MS4A2: variants seen among roughly 807,000 people sequenced by gnomAD.
The protein encoded by MS4A2 is membrane spanning 4-domains A2, also known as high affinity immunoglobulin epsilon receptor subunit beta.
MS4A2 carries 26 observed loss-of-function variants against 27.9 expected under a neutral mutation model. That is an observed-to-expected ratio of 0.93 (90% CI 0.68 to 1.29). MS4A2 has a LOEUF of 1.29. Ranked by LOEUF, MS4A2 falls within the 50% of genes most tolerant of loss-of-function variation. The pLI is 0.00. For missense variants in MS4A2, 284 were observed against 284.6 expected (o/e 1.00, Z 0.01); for synonymous variants, 110 against 98.8 (o/e 1.11, Z -0.67).
chr11:60,090,264 C>G (rs1370396351), intron 2 of MS4A2, 72 bp from the exon 3 acceptor site: 44 of 1,484,458 alleles, frequency 3.0e-5, no homozygotes, highest in Non-Finnish European at 3.7e-6. Context: ...TGTTTGGCTT[C>G]TATTATTAAA....
Position 60,098,071 on chromosome 11 carries a change from C to G in MS4A2, c.*2415C>G, listed in dbSNP as rs941337455. The G allele has an allele frequency of 6.6e-6, 1 of 152,188 alleles. No homozygotes were observed. The highest frequency in any genetic ancestry group is 1.5e-5 in the Non-Finnish European group (1 of 68,026). The allele number at this position is 152,188 out of a possible 1,614,324, so 9.4% of individuals were successfully genotyped here. A position where few individuals can be genotyped will look rare whatever the true frequency, so the allele number is the denominator to read the frequency against. Reference sequence around the variant, plus strand: ...TTTACAGTTGTATAGTATATGATATCTCTTTTATTTCACTCAATTTATATT... The same window carrying G: ...TTTACAGTTGTATAGTATATGATATGTCTTTTATTTCACTCAATTTATATT... On this transcript the variant is annotated 3_prime_UTR_variant, in exon 7 of 7. Transcript: ENST00000278888.
chr11:60,092,550 C>T (rs500888), intron 3 of MS4A2, among the ~76,000 whole-genome samples: 11,068 of 152,220 alleles, frequency 0.073, 817 homozygotes, highest in African/African-American at 0.18. Context: ...CCCGCCTCGG[C>T]TTCCCAAAGT....
intron 2 of MS4A2, 105 bp downstream of exon 2, chr11:60,089,926 G>A: frequency 6.9e-7 from 1 of 1,449,668 alleles, no homozygotes. Flanking sequence ...GAGGTGTTAG[G>A]TCCTTTAAAA....
chr11:60,090,731 C>T (rs777888831), intron 3 of MS4A2, among the ~76,000 whole-genome samples: 3 of 152,206 alleles, frequency 2.0e-5, no homozygotes, highest in Non-Finnish European at 2.9e-5. Context: ...AATGACTTGC[C>T]TAAGGGCCAC....
intron 1 of MS4A2, among the ~76,000 whole-genome samples, chr11:60,089,329 T>C (rs1855713864): frequency 6.6e-6 from 1 of 152,218 alleles, no homozygotes; most frequent in Non-Finnish European, 1.5e-5. Context: ...TGACAAAATA[T>C]ATTCAGATAC....
At chr11:60,091,690 C>T (rs1031885405) in intron 3 of MS4A2, among the ~76,000 whole-genome samples, 2 of 152,148 alleles carry the variant, frequency 1.3e-5, no homozygotes, top group Non-Finnish European at 2.9e-5. Context: ...TTCTTTATAT[C>T]GATACTTCAT....
Position 60,089,732 on chromosome 11 carries a change from G to C in MS4A2, c.97G>C (p.Val33Leu). The change falls in exon 2 of 7, where the codon GTA becomes CTA. Residue 33 changes from valine to leucine, a missense_variant. By Grantham distance (32) the Val-to-Leu change is conservative. Transcript: ENST00000278888. ...AGTCTTGGAAATATCTCCCCAGGAA[G>C]TATCTTCAGGCAGACTATTGAAGTC... ...FEVLEISPQE[V>L]SSGRLLKSAS... The C allele has an allele frequency of 6.2e-7, 1 of 1,614,190 alleles. No individual in the cohort carries two copies. Among genetic ancestry groups the C allele is most frequent in the Non-Finnish European group, 8.5e-7 (1 of 1,180,020 alleles).
In MS4A2 at chr11:60,096,420, A is replaced by C. The variant is rs1855869488; in HGVS notation, c.*764A>C. The C allele has an allele frequency of 6.6e-6, 1 of 152,222 alleles. No homozygotes were observed. Among genetic ancestry groups the C allele is most frequent in the Non-Finnish European group, 1.5e-5 (1 of 68,042 alleles). 9.4% of individuals were successfully genotyped at this position (152,222 alleles called of 1,614,324 possible). ...AAGACTAAATTAAGACCTGAGCTGA[A>C]ATAAAGTGAGTGGAAATGGAAATAA... On this transcript the variant is annotated 3_prime_UTR_variant, in exon 7 of 7. Coordinates refer to ENST00000278888, the MANE Select transcript of MS4A2 (RefSeq NM_000139.5).
At position 60,089,736 on chromosome 11, in the gene MS4A2, C is replaced by G. The variant is rs199688918; in HGVS notation, c.101C>G (p.Ser34Cys). Reference protein sequence around the residue: ...EVLEISPQEVSSGRLLKSASS... With the variant: ...EVLEISPQEVCSGRLLKSASS... ...TTGGAAATATCTCCCCAGGAAGTAT[C>G]TTCAGGCAGACTATTGAAGTCGGCC... Residue 34 changes from serine to cysteine, a missense_variant, in exon 2 of 7, where the codon TCT (serine) becomes TGT (cysteine). By Grantham distance (112) the Ser-to-Cys change is moderately radical. Coordinates refer to ENST00000278888, the MANE Select transcript of MS4A2 (RefSeq NM_000139.5). 2 of 1,614,176 alleles carry G rather than the reference C, an allele frequency of 1.2e-6. No homozygotes were observed.
At position 60,093,520 on chromosome 11, in the gene MS4A2, T is replaced by G; in HGVS notation, c.499T>G (p.Phe167Val). Residue 167 changes from phenylalanine to valine, a missense_variant, in exon 5 of 7, where the codon TTT becomes GTT. By Grantham distance (50) the Phe-to-Val change is conservative. Coordinates refer to ENST00000278888, the MANE Select transcript of MS4A2 (RefSeq NM_000139.5). ...TATCCACATCCACAGTTGCCAGAAA[T>G]TTTTTGAGACCAAGTGCTTTATGGC... ...AYIHIHSCQK[F>V]FETKCFMASF... The G allele has an allele frequency of 6.2e-7, 1 of 1,614,180 alleles. No individual in the cohort carries two copies. The highest frequency in any genetic ancestry group is 8.5e-7 in the Non-Finnish European group (1 of 1,180,018).
rs1454129333 is a variant in MS4A2, at chr11:60,098,222, C to T, written c.*2566C>T. On this transcript the variant is annotated 3_prime_UTR_variant, in exon 7 of 7. Coordinates refer to ENST00000278888, the MANE Select transcript of MS4A2 (RefSeq NM_000139.5). ...ATGCCCACCTCAGGCAGACACAGAG[C>T]ACAATGCTGGGGTTCTCTTCACACT... is the stretch of plus-strand genomic sequence containing the variant. 6.6e-6 allele frequency: 1 copy of T among 152,204 alleles called. No individual in the cohort carries two copies. The allele number at this position is 152,204 out of a possible 1,614,324, so 9.4% of individuals were successfully genotyped here.
intron 6 of MS4A2, among the ~76,000 whole-genome samples, chr11:60,094,834 AAAC>A (rs1482732401): frequency 6.6e-6 from 1 of 152,150 alleles, no homozygotes; most frequent in Non-Finnish European, 1.5e-5. Flanking sequence ...CAACAAAACA[AAAC>A]AACAACAACA....
intron 2 of MS4A2, 111 bp downstream of exon 2, chr11:60,089,932 T>A (rs1481076360): frequency 1.5e-5 from 21 of 1,383,060 alleles, no homozygotes; most frequent in Non-Finnish European, 2.1e-5. Context: ...TTAGGTCCTT[T>A]AAAAAACATG....
In MS4A2 at chr11:60,095,666, G is replaced by A. The variant is rs201792716; in HGVS notation, c.*10G>A. On this transcript the variant is annotated 3_prime_UTR_variant, in exon 7 of 7. Coordinates refer to ENST00000278888, the MANE Select transcript of MS4A2 (RefSeq NM_000139.5). ...TCCCATTGATTTATAAGAATCACGT[G>A]TCCAGAACACTCTGATTCACAGCCA... 482 of 1,562,926 alleles carry A rather than the reference G, an allele frequency of 3.1e-4. 4 individuals are homozygous for A. In the Admixed American group the frequency reaches 7.6e-3, roughly 25 times the overall value.
Position 60,089,948 on chromosome 11 carries a change from T to TA in MS4A2, c.186+130dup, listed in dbSNP as rs1251534096. 1.2e-5 allele frequency: 15 copies of TA among 1,248,340 alleles called. No individual in the cohort carries two copies. In the Middle Eastern group the frequency reaches 5.9e-4, roughly 49 times the overall value. 77.3% of individuals were successfully genotyped at this position (1,248,340 alleles called of 1,614,324 possible). A position where few individuals can be genotyped will look rare whatever the true frequency, so the allele number is the denominator to read the frequency against. On this transcript the variant is annotated intron_variant, in intron 2 of 6. Transcript: ENST00000278888. ...TAGGTCCTTTAAAAAACATGGTAGA[T>TA]AAAGAGTTGACACTAACTGGGTCCT...
At chr11:60,092,690 T>A in intron 3 of MS4A2, 102 bp from the exon 4 acceptor site, 1 of 999,272 alleles carries the variant, frequency 1.0e-6, no homozygotes, top group Non-Finnish European at 1.6e-6. Flanking sequence ...AGTAACTTTA[T>A]CGAGTACCCC....
intron 2 of MS4A2, 62 bp downstream of exon 2, chr11:60,089,883 T>G: frequency 1.2e-6 from 2 of 1,600,110 alleles, no homozygotes; most frequent in Non-Finnish European, 1.7e-6. Context: ...GAATATTGAG[T>G]TGCATCAACT....
Position 60,097,387 on chromosome 11 carries a change from C to G in MS4A2, c.*1731C>G, listed in dbSNP as rs951425906. ...CAACTCCACCTAAGGCATGAATATG[C>G]GGCAGAGAAAACAGCAATAGTGAAT... On this transcript the variant is annotated 3_prime_UTR_variant, in exon 7 of 7. Transcript: ENST00000278888. 1.3e-5 allele frequency: 2 copies of G among 152,096 alleles called. No homozygotes were observed. The highest frequency in any genetic ancestry group is 4.8e-5 in the African/African-American group (2 of 41,392). 9.4% of individuals were successfully genotyped at this position (152,096 alleles called of 1,614,324 possible). A position where few individuals can be genotyped will look rare whatever the true frequency, so the allele number is the denominator to read the frequency against.
chr11:60,091,149 CT>C (rs1855752201), intron 3 of MS4A2, among the ~76,000 whole-genome samples: 2 of 151,970 alleles, frequency 1.3e-5, no homozygotes, highest in South Asian at 4.2e-4. Flanking sequence ...GAAACTCTGT[CT>C]CAAAATAATA....
Sources: allele counts gnomAD v4.1 joint callset (sites outside exome capture counted in the v4.1 genomes callset), GRCh38; gene constraint gnomAD v4.1.1; transcripts MANE v1.5; gene names NCBI Gene and HGNC (gene_info 2026-07-23, HGNC 2026-07-21).